Variants in CACNA1H observed in about 807,000 individuals in gnomAD.
The protein encoded by CACNA1H is calcium voltage-gated channel subunit alpha1 H, also known as voltage-dependent T-type calcium channel subunit alpha-1H.
Under a neutral mutation model 192.5 loss-of-function variants are expected in CACNA1H, and 149 were observed. The observed-to-expected ratio is 0.77, with a 90% CI of 0.68 to 0.89. The LOEUF is 0.89. CACNA1H is among the 40% of genes least tolerant of loss of function. The probability of loss-of-function intolerance (pLI) is 0.00; values close to 1 mark genes in which losing one functional copy is unlikely to be tolerated. For synonymous variants in CACNA1H, 2,202 were observed against 1,475.2 expected, an observed-to-expected ratio of 1.49 and a Z score of -11.29; for missense variants, 4,257 against 3,423.5, an observed-to-expected ratio of 1.24 and a Z score of -6.08.
intron 9 of CACNA1H, among the ~76,000 whole-genome samples, chr16:1,203,171 T>A (rs1968197716): frequency 6.6e-6 from 1 of 152,084 alleles, no homozygotes; most frequent in Non-Finnish European, 1.5e-5. Context: ...CAGACGAGTG[T>A]CGGGCGCATG....
At chr16:1,219,421 G>T (rs1414593521) in intron 34 of CACNA1H, among the ~76,000 whole-genome samples, 1 of 151,796 alleles carries the variant, frequency 6.6e-6, no homozygotes, top group East Asian at 1.9e-4. Context: ...GGTTTCTCAG[G>T]TCCCGTGGTG....
At position 1,208,171 on chromosome 16, in the gene CACNA1H, C is replaced by T. The variant is rs370833327; in HGVS notation, c.3313C>T (p.Arg1105Cys). The stretch of plus-strand genomic sequence containing the variant: ...AGCCCCCAGCCTCCCAGACTCTCGG[C>T]GTGGCAGCAGCAGCTCCGGGGACCC... The part of the protein sequence containing the change: ...DAAPSLPDSR[R>C]GSSSSGDPPL... The change falls in exon 16 of 35, where the codon CGT (arginine) becomes TGT (cysteine). Residue 1105 changes from arginine (R) to cysteine (C), a missense_variant. Arg to Cys is a radical substitution (Grantham distance 180). Transcript: ENST00000348261. 215 of 1,563,688 alleles carry T rather than the reference C, an allele frequency of 1.4e-4. No homozygotes were observed. In the South Asian group the frequency reaches 1.6e-3, roughly 12 times the overall value.
At chr16:1,214,865 A>T in intron 27 of CACNA1H, 107 bp from the exon 28 acceptor site, 1 of 768,462 alleles carries the variant, frequency 1.3e-6, no homozygotes, top group Admixed American at 2.1e-5. Flanking sequence ...CTGACCTGGG[A>T]GCCTCCAGGG....
At chr16:1,194,385 C>T (rs1026058615) in intron 2 of CACNA1H, among the ~76,000 whole-genome samples, 1 of 152,194 alleles carries the variant, frequency 6.6e-6, no homozygotes, top group Non-Finnish European at 1.5e-5. Context: ...CCTCTCCCTC[C>T]TTCCTCTGGT....
intron 9 of CACNA1H, 110 bp downstream of exon 9, chr16:1,202,562 C>T: frequency 2.0e-6 from 2 of 990,794 alleles, no homozygotes; most frequent in Non-Finnish European, 2.9e-6. Context: ...ATGAGCCCAG[C>T]TTTGACTTGT....
rs1204896297 is a variant in CACNA1H, at chr16:1,210,874, C to T, written c.4126C>T (p.Leu1376=). The change falls in exon 21 of 35, where the codon CTG becomes TTG. Residue 1376 remains leucine (L), a synonymous_variant. Transcript: ENST00000348261. Reference sequence around the variant, plus strand: ...GGATGGGCTGCTGGTGCTGGTGTCCCTGGTGGACATTGTCGTGGCCATGGC... The same window carrying T: ...GGATGGGCTGCTGGTGCTGGTGTCCTTGGTGGACATTGTCGTGGCCATGGC... ...LLDGLLVLVS[L]VDIVVAMASA... is the part of the protein sequence containing the mutation. The T allele has an allele frequency of 4.4e-6, 7 of 1,605,534 alleles. No individual in the cohort carries two copies. Among genetic ancestry groups the T allele is most frequent in the Non-Finnish European group, 5.1e-6 (6 of 1,179,718 alleles).
In CACNA1H at chr16:1,195,008, C is replaced by T. The variant is rs1183713498; in HGVS notation, c.336C>T (p.Leu112=). The T allele has an allele frequency of 8.1e-6, 13 of 1,612,172 alleles. No individual in the cohort carries two copies. In the East Asian group the frequency reaches 2.7e-4, roughly 33 times the overall value. The change falls in exon 3 of 35, where the codon CTC becomes CTT. Residue 112 remains leucine, a synonymous_variant. Transcript: ENST00000348261. ...FEHVSMLVIM[L]NCVTLGMFRP... Reference sequence around the variant, plus strand: ...ACGTGAGCATGCTGGTAATCATGCTCAACTGCGTGACCCTGGGCATGTTCC... The same window carrying T: ...ACGTGAGCATGCTGGTAATCATGCTTAACTGCGTGACCCTGGGCATGTTCC...
At chr16:1,200,152 CACGTCCCTGACCTT>C in intron 6 of CACNA1H, 90 bp from the exon 7 acceptor site, 1 of 912,514 alleles carries the variant, frequency 1.1e-6, no homozygotes, top group African/African-American at 2.7e-5. Flanking sequence ...TGACCCTGAT[CACGTCCCTGACCTT>C]GATCACGTCC....
chr16:1,211,942 A>C lies in CACNA1H; in HGVS notation c.4567-4A>C, dbSNP rs1055632728. 6.2e-7 allele frequency: 1 copy of C among 1,613,124 alleles called. No individual in the cohort carries two copies. The highest frequency in any genetic ancestry group is 1.1e-5 in the South Asian group (1 of 91,080). On this transcript the variant is annotated splice_polypyrimidine_tract_variant and splice_region_variant and intron_variant, in intron 24 of 34. Coordinates refer to ENST00000348261, the MANE Select transcript of CACNA1H (RefSeq NM_021098.3). ...GGCGGGGACCCACCGCCTCTGTGCC[A>C]CAGCCTGTGCAGAACCACAACCCCT... is the stretch of plus-strand genomic sequence containing the variant.
Position 1,180,216 on chromosome 16 carries a change from C to T in CACNA1H, c.300-14756C>T, listed in dbSNP as rs1965330385. Reference sequence around the variant, plus strand: ...GGGTGCACAGGCAGGTGGTGTGCGTCCGCATTGCAGAACACGGGGCGTTGC... The same window carrying T: ...GGGTGCACAGGCAGGTGGTGTGCGTTCGCATTGCAGAACACGGGGCGTTGC... On this transcript the variant is annotated intron_variant, in intron 2 of 34. Coordinates refer to ENST00000348261, the MANE Select transcript of CACNA1H (RefSeq NM_021098.3). This position sits in a 1 kb window ranked among gnomAD's most constrained non-coding sequence, Gnocchi z 4.4. 6.6e-6 allele frequency among the ~76,000 whole-genome samples: 1 copy of T among 152,216 alleles called. No individual in the cohort carries two copies. The highest frequency in any genetic ancestry group is 2.4e-5 in the African/African-American group (1 of 41,450).
chr16:1,188,208 C>T (rs3863644), intron 2 of CACNA1H, among the ~76,000 whole-genome samples: 4,923 of 152,236 alleles, frequency 0.032, 302 homozygotes, highest in African/African-American at 0.11. Context: ...CGTGAGCCAG[C>T]GGGTCTGGGC....
At position 1,199,495 on chromosome 16, in the gene CACNA1H, T is replaced by C. The variant is rs12922159; in HGVS notation, c.803+721T>C. 1.1e-3 allele frequency among the ~76,000 whole-genome samples: 53 copies of C among 48,556 alleles called. 8 individuals are homozygous for C. The highest frequency in any genetic ancestry group is 2.7e-3 in the African/African-American group (26 of 9,788). The allele number at this position is 48,556 out of a possible 152,430, so 31.9% of individuals were successfully genotyped here. A position where few individuals can be genotyped will look rare whatever the true frequency, so the allele number is the denominator to read the frequency against. On this transcript the variant is annotated intron_variant, in intron 6 of 34. Transcript: ENST00000348261. ...CATGGCTCCACCCACCGTGCGGTCA[T>C]TGCACATATGTCCCACCCCCAGTGC...
Position 1,215,304 on chromosome 16 carries a change from T to C in CACNA1H, c.5102T>C (p.Ile1701Thr). Residue 1701 changes from isoleucine to threonine, a missense_variant, in exon 29 of 35, where the codon ATA becomes ACA. By Grantham distance (89) the Ile-to-Thr change is moderately conservative (BLOSUM62 -1). Coordinates refer to ENST00000348261, the MANE Select transcript of CACNA1H (RefSeq NM_021098.3). Reference sequence around the variant, plus strand: ...CTCATGGGCATCACGCTGGAGGAGATAGAGATGAGCGCCGCGCTGCCCATC... The same window carrying C: ...CTCATGGGCATCACGCTGGAGGAGACAGAGATGAGCGCCGCGCTGCCCATC... Reference protein sequence around the residue: ...LSLMGITLEEIEMSAALPINP... With the variant: ...LSLMGITLEETEMSAALPINP... The C allele has an allele frequency of 3.7e-6, 6 of 1,610,490 alleles. No homozygotes were observed. The highest frequency in any genetic ancestry group is 1.1e-5 in the South Asian group (1 of 90,416).
chr16:1,183,942 G>A (rs1381856703), intron 2 of CACNA1H, among the ~76,000 whole-genome samples: 4 of 152,242 alleles, frequency 2.6e-5, no homozygotes, highest in Non-Finnish European at 4.4e-5. Context: ...CCCTGGAGCC[G>A]TGTCCATGCC....
chr16:1,173,389 C>A (rs926397785), intron 2 of CACNA1H, among the ~76,000 whole-genome samples: 2 of 152,218 alleles, frequency 1.3e-5, no homozygotes, highest in African/African-American at 4.8e-5. Flanking sequence ...AGCGGCTGCG[C>A]CTCCAGGCCT....
rs761715073 is a variant in CACNA1H, at chr16:1,205,273, C to T, written c.2603+8C>T. 3 of 1,592,174 alleles carry T rather than the reference C, an allele frequency of 1.9e-6. No individual in the cohort carries two copies. Among genetic ancestry groups the T allele is most frequent in the Admixed American group, 3.4e-5 (2 of 59,062 alleles). On this transcript the variant is annotated splice_region_variant and intron_variant, in intron 11 of 34. Coordinates refer to ENST00000348261, the MANE Select transcript of CACNA1H (RefSeq NM_021098.3). ...CATCATCGTGGTCATCAGGTGGGTC[C>T]CCACCCTCTCCCCAGGAAGAGGGGC...
chr16:1,154,547 C>T (rs1387228685), intron 2 of CACNA1H, among the ~76,000 whole-genome samples: 3 of 152,084 alleles, frequency 2.0e-5, no homozygotes, highest in Non-Finnish European at 4.4e-5. Flanking sequence ...GGCCTGTGAG[C>T]GCCGCCAGGG....
At chr16:1,190,018 G>A (rs1005515229) in intron 2 of CACNA1H, among the ~76,000 whole-genome samples, 2 of 152,226 alleles carry the variant, frequency 1.3e-5, no homozygotes, top group Admixed American at 6.5e-5. Context: ...CCTGGGGCTT[G>A]GTCCAGGGAG....
At position 1,195,019 on chromosome 16, in the gene CACNA1H, C is replaced by G. The variant is rs755765779; in HGVS notation, c.347C>G (p.Thr116Ser). Residue 116 changes from threonine to serine, a missense_variant, in exon 3 of 35, where the codon ACC becomes AGC. Physicochemically the swap from Thr to Ser is moderately conservative, Grantham distance 58. Coordinates refer to ENST00000348261, the MANE Select transcript of CACNA1H (RefSeq NM_021098.3). Reference protein sequence around the residue: ...SMLVIMLNCVTLGMFRPCEDV... With the variant: ...SMLVIMLNCVSLGMFRPCEDV... ...CTGGTAATCATGCTCAACTGCGTGA[C>G]CCTGGGCATGTTCCGGCCCTGTGAG... 1 of 1,612,212 alleles carries G rather than the reference C, an allele frequency of 6.2e-7. No homozygotes were observed. The highest frequency in any genetic ancestry group is 2.2e-5 in the East Asian group (1 of 44,844).
Sources: allele counts gnomAD v4.1 joint callset (sites outside exome capture counted in the v4.1 genomes callset), GRCh38; gene constraint gnomAD v4.1.1; non-coding constraint Gnocchi (gnomAD v3.1); transcripts MANE v1.5; gene names NCBI Gene and HGNC (gene_info 2026-07-23, HGNC 2026-07-21).